The following MAP3K5 variants were observed in gnomAD, a reference collection of about 807,000 sequenced individuals.
MAP3K5 encodes mitogen-activated protein kinase kinase kinase 5.
In MAP3K5, 56 loss-of-function variants were observed where a neutral mutation model predicts 158.7. That is an observed-to-expected ratio of 0.35 (90% confidence interval 0.28 to 0.44). MAP3K5 has a LOEUF of 0.44. MAP3K5 is among the 20% of genes least tolerant of loss of function. The pLI is 1.00. For missense variants in MAP3K5, 1,294 were observed against 1,674.8 expected (o/e 0.77, Z 3.97); for synonymous variants, 579 against 601.7 (o/e 0.96, Z 0.55).
At chr6:136,606,430 G>A (rs930423569) in intron 18 of MAP3K5, among the ~76,000 whole-genome samples, 1 of 152,194 alleles carries the variant, frequency 6.6e-6, no homozygotes, top group African/African-American at 2.4e-5. Context: ...GGTGGAGAGT[G>A]TGGTATAATA....
intron 1 of MAP3K5, among the ~76,000 whole-genome samples, chr6:136,727,297 T>C (rs892144214): frequency 3.9e-5 from 6 of 152,250 alleles, no homozygotes; most frequent in Non-Finnish European, 5.9e-5. Context: ...TTACTATGTG[T>C]CAGACAGTAT....
At chr6:136,772,472 G>A (rs1582678732) in intron 1 of MAP3K5, among the ~76,000 whole-genome samples, 1 of 151,948 alleles carries the variant, frequency 6.6e-6, no homozygotes, top group African/African-American at 2.4e-5. Context: ...AAGGATGGTT[G>A]GGGGCAGTGG....
At chr6:136,650,933 T>C (rs1778492248) in intron 11 of MAP3K5, 51 bp downstream of exon 11, 1 of 1,120,138 alleles carries the variant, frequency 8.9e-7, no homozygotes, top group Non-Finnish European at 1.3e-6. Context: ...GCTAGAAGGG[T>C]GTAAAGTCCC....
chr6:136,628,315 G>A (rs1220694036), intron 14 of MAP3K5, among the ~76,000 whole-genome samples: 1 of 151,942 alleles, frequency 6.6e-6, no homozygotes, highest in East Asian at 1.9e-4. Flanking sequence ...GTCTTGCTAT[G>A]TTGCCCAGGC....
At chr6:136,744,380 C>CATATAT (rs146711750) in intron 1 of MAP3K5, among the ~76,000 whole-genome samples, 30 of 151,542 alleles carry the variant, frequency 2.0e-4, no homozygotes, top group African/African-American at 7.1e-4. Context: ...TACATATATA[C>CATATAT]ATATATATAT....
intron 3 of MAP3K5, 95 bp from the exon 4 acceptor site, chr6:136,698,777 T>G (rs977527247): frequency 3.6e-6 from 3 of 823,636 alleles, no homozygotes; most frequent in Non-Finnish European, 5.7e-6. Context: ...TAATTCCAAA[T>G]GCAAAGGGAA....
intron 10 of MAP3K5, among the ~76,000 whole-genome samples, chr6:136,655,429 G>T (rs1298195304): frequency 6.6e-6 from 1 of 152,220 alleles, no homozygotes; most frequent in Middle Eastern, 3.2e-3. Flanking sequence ...AGTAAAGCAT[G>T]CTCATGTCAG....
chr6:136,576,956 G>C (rs551119629), intron 25 of MAP3K5, among the ~76,000 whole-genome samples: 1 of 151,804 alleles, frequency 6.6e-6, no homozygotes, highest in Non-Finnish European at 1.5e-5. Flanking sequence ...ATACCATAAG[G>C]CCTGCGCATC....
Position 136,742,606 on chromosome 6 carries a change from G to A in MAP3K5, c.449-22017C>T, listed in dbSNP as rs192886353. On this transcript the variant is annotated intron_variant, in intron 1 of 29. Coordinates refer to ENST00000359015, the MANE Select transcript of MAP3K5 (RefSeq NM_005923.4). ...CCATTGGTATCATCATAACTTTTTA[G>A]ATACAATATCAAAGGCATAATAAAA... Among the ~76,000 whole-genome samples the A allele has an allele frequency of 2.6e-3, 388 of 152,044 alleles. 2 individuals carry two copies. The highest frequency in any genetic ancestry group is 9.1e-3 in the African/African-American group (376 of 41,470).
chr6:136,633,425 G>A (rs912761515), intron 14 of MAP3K5, among the ~76,000 whole-genome samples: 1 of 147,310 alleles, frequency 6.8e-6, no homozygotes, highest in Non-Finnish European at 1.5e-5. Context: ...ATAAATATAT[G>A]TATATATATA....
intron 1 of MAP3K5, among the ~76,000 whole-genome samples, chr6:136,778,605 T>C (rs1438219395): frequency 6.6e-6 from 1 of 152,234 alleles, no homozygotes; most frequent in Admixed American, 6.5e-5. Flanking sequence ...AAATGTCTGC[T>C]GATGTGATGC....
chr6:136,781,765 C>T (rs188978577), intron 1 of MAP3K5, among the ~76,000 whole-genome samples: 1 of 152,306 alleles, frequency 6.6e-6, no homozygotes, highest in East Asian at 1.9e-4. Context: ...TCACCCCAAC[C>T]TCAGAGTGAT....
chr6:136,753,037 C>T (rs1302664470), intron 1 of MAP3K5, among the ~76,000 whole-genome samples: 1 of 152,162 alleles, frequency 6.6e-6, no homozygotes, highest in Non-Finnish European at 1.5e-5. Flanking sequence ...CTAGCTCTAG[C>T]CTACCTCTGT....
chr6:136,712,837 G>C (rs113730483), intron 2 of MAP3K5, among the ~76,000 whole-genome samples: 3,092 of 152,188 alleles, frequency 0.02, 104 homozygotes, highest in African/African-American at 0.07. Context: ...TTTTATAAGG[G>C]GTTTCCCCTT....
At chr6:136,654,516 G>A (rs1021786895) in intron 10 of MAP3K5, among the ~76,000 whole-genome samples, 20 of 151,780 alleles carry the variant, frequency 1.3e-4, no homozygotes, top group Non-Finnish European at 2.5e-4. Context: ...GCATGGTATC[G>A]GCTCACCGCA....
At chr6:136,777,978 GA>G (rs1234021690) in intron 1 of MAP3K5, among the ~76,000 whole-genome samples, 2 of 152,058 alleles carry the variant, frequency 1.3e-5, no homozygotes, top group African/African-American at 4.8e-5. Context: ...AAACAACCTA[GA>G]TTTTTTCACA....
At chr6:136,632,474 G>A (rs889872007) in intron 14 of MAP3K5, among the ~76,000 whole-genome samples, 5 of 152,100 alleles carry the variant, frequency 3.3e-5, no homozygotes, top group Non-Finnish European at 5.9e-5. Context: ...CCGAGATTGC[G>A]CCACTGCTCT....
intron 15 of MAP3K5, among the ~76,000 whole-genome samples, chr6:136,614,556 G>A (rs1159538174): frequency 6.6e-6 from 1 of 152,098 alleles, no homozygotes; most frequent in East Asian, 1.9e-4. Flanking sequence ...TTACAGATGA[G>A]GAAACTGATT....
intron 10 of MAP3K5, among the ~76,000 whole-genome samples, chr6:136,654,882 T>A (rs561729607): frequency 2.6e-5 from 4 of 152,344 alleles, no homozygotes; most frequent in Non-Finnish European, 5.9e-5. Context: ...TGTTTTTTTT[T>A]AATCAAACAA....
Sources: gnomAD v4.1 joint callset for allele counts (sites outside exome capture counted in the v4.1 genomes callset) on GRCh38, gnomAD v4.1.1 for gene constraint, MANE v1.5 for transcripts, NCBI Gene and HGNC (gene_info 2026-07-23, HGNC 2026-07-21) for gene names.